The following CLIC5 variants were observed in gnomAD, a reference collection of about 807,000 sequenced individuals.
The protein encoded by CLIC5 is chloride intracellular channel protein 5.
CLIC5 carries 20 observed loss-of-function variants against 24.7 expected under a neutral mutation model. That is an observed-to-expected ratio of 0.81 (90% confidence interval 0.57 to 1.18). The LOEUF (loss-of-function observed/expected upper bound fraction) is 1.18, where lower values mean the gene tolerates loss of function less well. Ranked by LOEUF, CLIC5 falls within the 50% of genes most tolerant of loss-of-function variation. CLIC5 has a pLI of 0.00. For synonymous variants in CLIC5, 159 were observed against 135.6 expected (o/e 1.17, Z -1.20); for missense variants, 341 against 326.1 (o/e 1.05, Z -0.35).
chr6:45,909,813 A>T (rs1165268143), intron 5 of CLIC5, among the ~76,000 whole-genome samples: 1 of 152,138 alleles, frequency 6.6e-6, no homozygotes, highest in Non-Finnish European at 1.5e-5. Flanking sequence ...TTGTATCTGT[A>T]TATCCACCTT....
intron 1 of CLIC5, among the ~76,000 whole-genome samples, chr6:45,967,442 C>T (rs6907283): frequency 0.045 from 6,859 of 152,202 alleles, 273 homozygotes; most frequent in African/African-American, 0.11. Context: ...TAAGGGTTCA[C>T]GGAAGGATTT....
intron 1 of CLIC5, among the ~76,000 whole-genome samples, chr6:45,975,522 G>A (rs1170507240): frequency 6.6e-6 from 1 of 152,162 alleles, no homozygotes; most frequent in Non-Finnish European, 1.5e-5. Context: ...CAGTGTGCCA[G>A]GAACCAGTGG....
At chr6:46,015,446 G>C in intron 1 of CLIC5, 34 bp downstream of exon 1, 1 of 1,481,152 alleles carries the variant, frequency 6.8e-7, no homozygotes, top group Non-Finnish European at 9.0e-7. Flanking sequence ...CGGGAGGCGC[G>C]GCAGGTGCGG....
chr6:45,997,219 C>T (rs57296884), intron 1 of CLIC5, among the ~76,000 whole-genome samples: 29,595 of 149,168 alleles, frequency 0.2, 3,275 homozygotes, highest in East Asian at 0.48. Context: ...ATGGATGAAA[C>T]TGGAAATCAT....
chr6:45,985,886 T>C (rs932622828), intron 1 of CLIC5, among the ~76,000 whole-genome samples: 3 of 152,114 alleles, frequency 2.0e-5, no homozygotes, highest in African/African-American at 4.8e-5. Flanking sequence ...TCATCTTGAA[T>C]TGTAGCTCTC....
At chr6:46,041,916 G>C (rs1767818663) in intron 1 of CLIC5, among the ~76,000 whole-genome samples, 1 of 152,052 alleles carries the variant, frequency 6.6e-6, no homozygotes, top group South Asian at 2.1e-4. Flanking sequence ...TTTTTGTATT[G>C]AGTCTTGTCA....
At chr6:45,982,752 A>T (rs1218394309) in intron 1 of CLIC5, among the ~76,000 whole-genome samples, 1 of 152,224 alleles carries the variant, frequency 6.6e-6, no homozygotes, top group African/African-American at 2.4e-5. Context: ...CATGGAGATA[A>T]AGACTTGGGT....
chr6:45,941,395 G>T, intron 4 of CLIC5, 152 bp downstream of exon 4: 1 of 512,718 alleles, frequency 2.0e-6, no homozygotes, highest in Non-Finnish European at 3.3e-6. Context: ...GGACAAGATG[G>T]TGGTGGCGGG....
the CLIC5 span, among the ~76,000 whole-genome samples, chr6:46,126,137 C>T: frequency 1.1e-4 from 16 of 152,270 alleles, no homozygotes; most frequent in Non-Finnish European, 2.4e-4. Context: ...CCTTAGGAGT[C>T]TGCCCCGTGG....
intron 4 of CLIC5, among the ~76,000 whole-genome samples, chr6:45,924,005 T>A (rs534278533): frequency 1.7e-4 from 26 of 152,274 alleles, no homozygotes; most frequent in African/African-American, 6.0e-4. Flanking sequence ...GCAGAGGGCT[T>A]AGTACAGTGC....
the CLIC5 span, among the ~76,000 whole-genome samples, chr6:46,098,143 A>T: frequency 1.3e-5 from 2 of 152,212 alleles, no homozygotes; most frequent in Non-Finnish European, 1.5e-5. Context: ...AAAAGTTAAA[A>T]CATCTTCAAA....
chr6:45,968,066 T>A (rs766730450), intron 1 of CLIC5, among the ~76,000 whole-genome samples: 7 of 152,116 alleles, frequency 4.6e-5, no homozygotes, highest in Non-Finnish European at 1.0e-4. Context: ...CATGCAGAAT[T>A]TCTCTAGTTC....
At chr6:45,883,318 T>C (rs1762278575) in intron 6 of CLIC5, among the ~76,000 whole-genome samples, 1 of 152,208 alleles carries the variant, frequency 6.6e-6, no homozygotes, top group Admixed American at 6.5e-5. Flanking sequence ...GTTTCCCAAA[T>C]ATATTTATTC....
Position 45,999,732 on chromosome 6 carries a change from G to GTTTTTTTTTTTTTTT in CLIC5, c.63+15733_63+15747dup, listed in dbSNP as rs1201850451. Among the ~76,000 whole-genome samples, 9 of 50,848 alleles carry GTTTTTTTTTTTTTTT rather than the reference G, an allele frequency of 1.8e-4. 1 individual carries two copies. Among genetic ancestry groups the GTTTTTTTTTTTTTTT allele is most frequent in the African/African-American group, 6.7e-4 (7 of 10,450 alleles). 33.4% of individuals were successfully genotyped at this position (50,848 alleles called of 152,430 possible). Reference sequence around the variant, plus strand: ...GTAAATCTATTTTCTCTTCCTTGTGGTTTTTTTTTTTTTTTTTTTTTTTTG... The same window carrying GTTTTTTTTTTTTTTT: ...GTAAATCTATTTTCTCTTCCTTGTGGTTTTTTTTTTTTTTTTTTTTTTTTTTTTTTTTTTTTTTTG... On this transcript the variant is annotated intron_variant, in intron 1 of 5. Transcript: ENST00000339561.
intron 4 of CLIC5, among the ~76,000 whole-genome samples, chr6:45,915,792 G>A (rs550455078): frequency 2.0e-5 from 3 of 152,262 alleles, no homozygotes; most frequent in East Asian, 1.9e-4. Context: ...CCAGAATCTC[G>A]TAGTCCTTTC....
At chr6:46,110,102 T>G in the CLIC5 span, among the ~76,000 whole-genome samples, 1 of 152,184 alleles carries the variant, frequency 6.6e-6, no homozygotes, top group African/African-American at 2.4e-5. Context: ...TATCTTGAGT[T>G]AAAAGAACCT....
intron 3 of CLIC5, among the ~76,000 whole-genome samples, chr6:45,941,973 G>A (rs546238393): frequency 5.3e-5 from 8 of 152,238 alleles, no homozygotes; most frequent in South Asian, 2.1e-4. Flanking sequence ...GTGGGATGGC[G>A]CAATCAAAGT....
At chr6:45,949,859 C>T (rs1367005568) in intron 2 of CLIC5, among the ~76,000 whole-genome samples, 1 of 152,146 alleles carries the variant, frequency 6.6e-6, no homozygotes, top group Admixed American at 6.5e-5. Flanking sequence ...GCCATTTGTT[C>T]AAGTTAGATG....
At chr6:45,972,324 G>A (rs139024278) in intron 1 of CLIC5, among the ~76,000 whole-genome samples, 128 of 152,252 alleles carry the variant, frequency 8.4e-4, no homozygotes, top group African/African-American at 2.8e-3. Context: ...TCTCTGTGAG[G>A]ATCAAAGGTG....
Sources: gnomAD v4.1 joint callset for allele counts (sites outside exome capture counted in the v4.1 genomes callset) on GRCh38, gnomAD v4.1.1 for gene constraint, MANE v1.5 for transcripts, NCBI Gene and HGNC (gene_info 2026-07-23, HGNC 2026-07-21) for gene names.